The following CIB3 variants were observed in gnomAD, a reference collection of about 807,000 sequenced individuals.
CIB3 encodes the protein calcium and integrin binding family member 3.
A neutral mutation model predicts 23.4 loss-of-function variants in CIB3; 22 were observed. The observed-to-expected ratio is 0.94, with a 90% confidence interval of 0.67 to 1.34. The LOEUF (loss-of-function observed/expected upper bound fraction) is 1.34, where lower values mean the gene tolerates loss of function less well. CIB3 is among the 40% of genes most tolerant of loss of function. The pLI is 0.00. For missense variants in CIB3, 258 were observed against 247.3 expected, an observed-to-expected ratio of 1.04 and a Z score of -0.29; for synonymous variants, 93 against 95.8, an observed-to-expected ratio of 0.97 and a Z score of 0.17.
chr19:16,164,812 C>T lies in CIB3; in HGVS notation c.448G>A (p.Glu150Lys). 6.2e-7 allele frequency: 1 copy of T among 1,614,060 alleles called. No individual in the cohort carries two copies. Among genetic ancestry groups the T allele is most frequent in the Non-Finnish European group, 8.5e-7 (1 of 1,180,020 alleles). Residue 150 changes from glutamate to lysine, a missense_variant, in exon 5 of 6, where the codon GAG becomes AAG. Coordinates refer to ENST00000269878, the MANE Select transcript of CIB3 (RefSeq NM_054113.4). The part of the protein sequence containing the change: ...LSAEEVSLVC[E>K]KVLDEADGDH... ...CCATCAGCCTCATCCAGCACCTTCT[C>T]ACATACCAGGCTCACCTCCTCGGCA...
At chr19:16,162,283 G>C (rs1221301754) in intron 5 of CIB3, among the ~76,000 whole-genome samples, 2 of 151,066 alleles carry the variant, frequency 1.3e-5, no homozygotes, top group African/African-American at 4.9e-5. Flanking sequence ...AGTTAGCTAG[G>C]CGTGGTGGTG....
chr19:16,164,681 G>A (rs749348778), intron 5 of CIB3, 37 bp downstream of exon 5: 3 of 1,584,826 alleles, frequency 1.9e-6, no homozygotes, highest in African/African-American at 1.3e-5. Flanking sequence ...CCCTTCAGAT[G>A]TGCAAATGGA....
In CIB3 at chr19:16,165,287, C is replaced by A. The variant is rs543631332; in HGVS notation, c.347-374G>T. ...CAGCCTGGGCAGCAAGACAGAAACT[C>A]CGTCCAAAAAAAAAAAAAAAAAAAA... On this transcript the variant is annotated intron_variant, in intron 4 of 5. Coordinates refer to ENST00000269878, the MANE Select transcript of CIB3 (RefSeq NM_054113.4). Among the ~76,000 whole-genome samples the A allele has an allele frequency of 5.5e-5, 6 of 109,450 alleles. No homozygotes were observed. In the East Asian group the frequency reaches 2.0e-3, roughly 37 times the overall value. The allele number at this position is 109,450 out of a possible 152,430, so 71.8% of individuals were successfully genotyped here.
chr19:16,172,534 A>G (rs2091333081), intron 2 of CIB3, among the ~76,000 whole-genome samples: 1 of 152,112 alleles, frequency 6.6e-6, no homozygotes, highest in Non-Finnish European at 1.5e-5. Context: ...CCTTGGGAGA[A>G]AGCCCAAGCT....
chr19:16,169,552 C>T, intron 3 of CIB3, 78 bp downstream of exon 3: 1 of 1,270,874 alleles, frequency 7.9e-7, no homozygotes, highest in Non-Finnish European at 1.1e-6. Context: ...GGGATAACTG[C>T]AGCACTGACC....
intron 3 of CIB3, 138 bp downstream of exon 3, chr19:16,169,492 G>A (rs904819734): frequency 1.3e-6 from 1 of 771,068 alleles, no homozygotes; most frequent in Non-Finnish European, 2.1e-6. Context: ...GTGTGACCAT[G>A]AACAAGTGTC....
intron 3 of CIB3, 23 bp from the exon 4 acceptor site, chr19:16,168,307 G>A (rs1428879621): frequency 6.2e-7 from 1 of 1,612,838 alleles, no homozygotes; most frequent in Non-Finnish European, 8.5e-7. Flanking sequence ...AGGAAGCTGG[G>A]AGGCCATCCT....
At chr19:16,171,891 C>T (rs1373814937) in intron 2 of CIB3, among the ~76,000 whole-genome samples, 1 of 152,274 alleles carries the variant, frequency 6.6e-6, no homozygotes, top group Non-Finnish European at 1.5e-5. Flanking sequence ...TGGCCCCGAT[C>T]ACACTGCAGC....
intron 3 of CIB3, among the ~76,000 whole-genome samples, chr19:16,169,073 T>C (rs556912236): frequency 6.6e-6 from 1 of 152,282 alleles, no homozygotes; most frequent in South Asian, 2.1e-4. Flanking sequence ...CAACACACCC[T>C]GTACTGAATT....
At chr19:16,162,495 T>G (rs1458331092) in intron 5 of CIB3, among the ~76,000 whole-genome samples, 1 of 152,060 alleles carries the variant, frequency 6.6e-6, no homozygotes, top group African/African-American at 2.4e-5. Flanking sequence ...CTCACGCCTG[T>G]AATCCCAGCA....
intron 3 of CIB3, among the ~76,000 whole-genome samples, chr19:16,168,859 A>T (rs1383742357): frequency 6.6e-6 from 1 of 152,094 alleles, no homozygotes; most frequent in Non-Finnish European, 1.5e-5. Flanking sequence ...TTCAGGGGCA[A>T]TCCATTTTGA....
At chr19:16,165,802 T>G (rs889750460) in intron 4 of CIB3, among the ~76,000 whole-genome samples, 8 of 152,216 alleles carry the variant, frequency 5.3e-5, no homozygotes, top group Non-Finnish European at 7.3e-5. Flanking sequence ...TGTAATAACT[T>G]TTTTATTCAC....
At chr19:16,168,006 G>T in intron 4 of CIB3, 131 bp downstream of exon 4, 1 of 1,152,766 alleles carries the variant, frequency 8.7e-7, no homozygotes, top group Non-Finnish European at 1.2e-6. Context: ...AGGCATTGGA[G>T]TGGGGTGGAG....
chr19:16,169,438 C>A (rs1247869454), intron 3 of CIB3, among the ~76,000 whole-genome samples, 192 bp downstream of exon 3: 13 of 152,232 alleles, frequency 8.5e-5, no homozygotes, highest in Admixed American at 8.5e-4. Context: ...GCCACCACAC[C>A]AGCCAACTCT....
At chr19:16,172,235 A>G (rs10423728) in intron 2 of CIB3, among the ~76,000 whole-genome samples, 94,701 of 151,940 alleles carry the variant, frequency 0.62, 32,363 homozygotes, top group East Asian at 0.95. Context: ...GCTCACTGCA[A>G]CCTCCACCTC....
rs563103259 is a variant in CIB3 at position 16,168,420 on chromosome 19, C to T, written c.199-136G>A. The T allele has an allele frequency of 1.4e-4, 179 of 1,281,074 alleles. No homozygotes were observed. In the African/African-American group the frequency reaches 2.2e-3, roughly 16 times the overall value. The allele number at this position is 1,281,074 out of a possible 1,614,324, so 79.4% of individuals were successfully genotyped here. A position where few individuals can be genotyped will look rare whatever the true frequency, so the allele number is the denominator to read the frequency against. ...TCAAGACCCACTCCCTCCCATGGTC[C>T]CTGGACAGGACTTTGGACAACTCCA... On this transcript the variant is annotated intron_variant, in intron 3 of 5. Coordinates refer to ENST00000269878, the MANE Select transcript of CIB3 (RefSeq NM_054113.4).
chr19:16,165,292 CAAAAAAAAAA>C (rs71178645), intron 4 of CIB3, among the ~76,000 whole-genome samples: 31 of 79,996 alleles, frequency 3.9e-4, no homozygotes, highest in African/African-American at 1.0e-3. Flanking sequence ...AAACTCCGTC[CAAAAAAAAAA>C]AAAAAAAAAA....
chr19:16,164,966 G>A (rs1168307193), intron 4 of CIB3, 53 bp from the exon 5 acceptor site: 51 of 1,483,896 alleles, frequency 3.4e-5, no homozygotes, highest in East Asian at 2.7e-4. Flanking sequence ...GGGCTAGGCC[G>A]GCTGTGGGCA....
intron 4 of CIB3, 60 bp downstream of exon 4, chr19:16,168,077 A>T: frequency 7.1e-7 from 1 of 1,403,828 alleles, no homozygotes; most frequent in Non-Finnish European, 9.8e-7. Context: ...GGTGCCACCC[A>T]CCCAGTTCCC....
Sources: allele counts gnomAD v4.1 joint callset (sites outside exome capture counted in the v4.1 genomes callset), GRCh38; gene constraint gnomAD v4.1.1; transcripts MANE v1.5; gene names NCBI Gene and HGNC (gene_info 2026-07-23, HGNC 2026-07-21).